The following RIC1 variants were observed in gnomAD, a reference collection of about 807,000 sequenced individuals.
RIC1 encodes the protein guanine nucleotide exchange factor subunit RIC1.
Under a neutral mutation model 169.0 loss-of-function variants are expected in RIC1, and 88 were observed. The observed-to-expected ratio is 0.52, with a 90% CI of 0.44 to 0.62. The LOEUF is 0.62. Ranked by LOEUF, RIC1 falls within the 20% of genes least tolerant of loss-of-function variation. The pLI is 0.00. For synonymous variants in RIC1, 790 were observed against 601.5 expected (o/e 1.31, Z -4.59); for missense variants, 1,877 against 1,725.5 (o/e 1.09, Z -1.56).
intron 2 of RIC1, among the ~76,000 whole-genome samples, chr9:5,664,720 C>T (rs1819651342): frequency 2.6e-5 from 4 of 152,154 alleles, no homozygotes; most frequent in Admixed American, 6.5e-5. Flanking sequence ...CAACTTCGTT[C>T]CATTCTCCCC....
intron 3 of RIC1, among the ~76,000 whole-genome samples, chr9:5,700,737 A>G (rs1011814789): frequency 6.6e-6 from 1 of 152,200 alleles, no homozygotes; most frequent in African/African-American, 2.4e-5. Context: ...ACAAGTGCAC[A>G]CTAAAAACAA....
At chr9:5,723,335 G>T (rs1453907212) in intron 6 of RIC1, among the ~76,000 whole-genome samples, 4 of 152,132 alleles carry the variant, frequency 2.6e-5, no homozygotes, top group East Asian at 1.9e-4. Flanking sequence ...TCATGTGTCT[G>T]TTGGCTGCAT....
At position 5,742,809 on chromosome 9, in the gene RIC1, A is replaced by AAC. The variant is rs1248492363; in HGVS notation, c.902-59_902-58insCA. On this transcript the variant is annotated intron_variant, in intron 8 of 25. Transcript: ENST00000414202. ...TACAGATTGTATTTGAAAAAAAAAA[A>AAC]AAAACAAGTATTTCTGAAGCAACTA... 2.1e-6 allele frequency: 3 copies of AAC among 1,457,706 alleles called. No individual in the cohort carries two copies. The African/African-American group carries it at 4.3e-5, about 21-fold the overall frequency. 90.3% of individuals were successfully genotyped at this position (1,457,706 alleles called of 1,614,324 possible). A position where few individuals can be genotyped will look rare whatever the true frequency, so the allele number is the denominator to read the frequency against.
At position 5,763,917 on chromosome 9, in the gene RIC1, T is replaced by G; in HGVS notation, c.2841+49T>G. Reference sequence around the variant, plus strand: ...GGGCAAGAATTAATGAGCTTAAACTTAGAAAAATAGAAATGTCCTGTTTTG... The same window carrying G: ...GGGCAAGAATTAATGAGCTTAAACTGAGAAAAATAGAAATGTCCTGTTTTG... On this transcript the variant is annotated intron_variant, in intron 19 of 25. Coordinates refer to ENST00000414202, the MANE Select transcript of RIC1 (RefSeq NM_020829.4). The surrounding 1 kb of genome is among the most constrained non-coding windows in gnomAD (Gnocchi z 5.2). The G allele has an allele frequency of 5.9e-6, 9 of 1,519,214 alleles. No individual in the cohort carries two copies. The highest frequency in any genetic ancestry group is 8.0e-6 in the Non-Finnish European group (9 of 1,130,426). The allele number at this position is 1,519,214 out of a possible 1,614,324, so 94.1% of individuals were successfully genotyped here. A position where few individuals can be genotyped will look rare whatever the true frequency, so the allele number is the denominator to read the frequency against.
At chr9:5,648,430 G>A (rs1042888190) in intron 1 of RIC1, among the ~76,000 whole-genome samples, 1 of 152,128 alleles carries the variant, frequency 6.6e-6, no homozygotes, top group African/African-American at 2.4e-5. Flanking sequence ...TCTGTTGGTG[G>A]ACACTTAGGT....
intron 3 of RIC1, among the ~76,000 whole-genome samples, chr9:5,700,211 C>G (rs751656068): frequency 6.6e-6 from 1 of 152,038 alleles, no homozygotes; most frequent in East Asian, 1.9e-4. Flanking sequence ...TTAGCTAGTT[C>G]TATAAATTTT....
rs550333704 is a variant in RIC1, at chr9:5,763,811, G to A, written c.2784G>A (p.Glu928=). ...AAVGNPKDLF[E]ECLMAQDLDT... ...TTGGAAACCCTAAGGACTTGTTTGA[G>A]GAGTGTTTGATGGCTCAGGATTTGG... Residue 928 remains glutamate, a synonymous_variant, in exon 19 of 26, where the codon GAG becomes GAA. Transcript: ENST00000414202. This position sits in a 1 kb window ranked among gnomAD's most constrained non-coding sequence, Gnocchi z 5.2. 76 of 1,614,134 alleles carry A rather than the reference G, an allele frequency of 4.7e-5. 1 individual carries two copies. In the South Asian group the frequency reaches 7.8e-4, roughly 17 times the overall value.
intron 1 of RIC1, among the ~76,000 whole-genome samples, chr9:5,651,351 G>A (rs1410010851): frequency 6.6e-6 from 1 of 151,382 alleles, no homozygotes; most frequent in Non-Finnish European, 1.5e-5. Flanking sequence ...ACTCCTCCCT[G>A]TTTGGGTTTT....
At chr9:5,669,735 C>G (rs1295363962) in intron 2 of RIC1, among the ~76,000 whole-genome samples, 3 of 152,174 alleles carry the variant, frequency 2.0e-5, no homozygotes, top group Non-Finnish European at 4.4e-5. Context: ...ATTGGGCTCA[C>G]TTCTTCAGCA....
chr9:5,765,899 C>T, intron 21 of RIC1, 101 bp downstream of exon 21: 1 of 1,390,356 alleles, frequency 7.2e-7, no homozygotes, highest in Non-Finnish European at 9.8e-7. Flanking sequence ...ACTATTTAAT[C>T]CAATTGCAGT....
At chr9:5,728,222 C>T (rs183240469) in intron 6 of RIC1, among the ~76,000 whole-genome samples, 11 of 152,378 alleles carry the variant, frequency 7.2e-5, no homozygotes, top group Admixed American at 1.3e-4. Flanking sequence ...ACTTTGTTTA[C>T]CTATTCAAGC....
At chr9:5,760,038 A>C (rs1340628037) in intron 17 of RIC1, among the ~76,000 whole-genome samples, 1 of 152,232 alleles carries the variant, frequency 6.6e-6, no homozygotes, top group Non-Finnish European at 1.5e-5. Flanking sequence ...AAGAAGTTAA[A>C]ATTGACTGAT....
chr9:5,640,408 T>C (rs1818182687), intron 1 of RIC1, among the ~76,000 whole-genome samples: 1 of 152,216 alleles, frequency 6.6e-6, no homozygotes, highest in South Asian at 2.1e-4. Flanking sequence ...CTCTACACTT[T>C]AACTTCATCC....
At chr9:5,676,709 A>G (rs1481864929) in intron 2 of RIC1, among the ~76,000 whole-genome samples, 1 of 152,224 alleles carries the variant, frequency 6.6e-6, no homozygotes, top group Non-Finnish European at 1.5e-5. Context: ...CTGTTTTAAG[A>G]ATCCCCACCT....
At chr9:5,661,452 C>T (rs1239793622) in intron 2 of RIC1, among the ~76,000 whole-genome samples, 1 of 152,142 alleles carries the variant, frequency 6.6e-6, no homozygotes, top group Non-Finnish European at 1.5e-5. Flanking sequence ...AATATTGACT[C>T]TTCCTAGCCA....
rs1818985823 is a variant in RIC1 at position 5,654,691 on chromosome 9, T to G, written c.145-1892T>G. ...AGTAGCTGGGATTAATTTTTGTATT[T>G]TTAGTAGAGATGTAACCACACCTGG... On this transcript the variant is annotated intron_variant, in intron 1 of 25. Coordinates refer to ENST00000414202, the MANE Select transcript of RIC1 (RefSeq NM_020829.4). Among the ~76,000 whole-genome samples the G allele has an allele frequency of 2.0e-5, 3 of 152,044 alleles. No individual in the cohort carries two copies. In the South Asian group the frequency reaches 6.2e-4, roughly 32 times the overall value.
Position 5,745,970 on chromosome 9 carries a change from G to A in RIC1, c.1135G>A (p.Gly379Arg), listed in dbSNP as rs372706997. 1.1e-5 allele frequency: 18 copies of A among 1,613,528 alleles called. No homozygotes were observed. The highest frequency in any genetic ancestry group is 4.4e-5 in the South Asian group (4 of 91,056). The change falls in exon 11 of 26, where the codon GGA becomes AGA. Residue 379 changes from glycine (G) to arginine (R), a missense_variant. Around this residue, in one of 3 missense-constraint regions of RIC1, gnomAD observed 1,104 missense variants for 992.0 expected, o/e 1.11. Transcript: ENST00000414202. ...AEGYHLWVIS[G>R]FGSQNTEIES... ...AGGCTATCACCTATGGGTAATCAGCGGATTTGGTTCTCAAAACACTGAAAT... is the reference window on the plus strand; with the variant it reads ...AGGCTATCACCTATGGGTAATCAGCAGATTTGGTTCTCAAAACACTGAAAT...
rs143945427 is a variant in RIC1 at position 5,654,142 on chromosome 9, G to C, written c.145-2441G>C. Among the ~76,000 whole-genome samples the C allele has an allele frequency of 5.4e-3, 821 of 152,098 alleles. 11 individuals carry two copies. The highest frequency in any genetic ancestry group is 0.019 in the African/African-American group (785 of 41,452). ...GCCTCCTGAGTAGCTGGGACTACAG[G>C]TGTGTGCCACCATGCCCAGCTAATT... On this transcript the variant is annotated intron_variant, in intron 1 of 25. Transcript: ENST00000414202.
At chr9:5,666,505 T>C (rs1819773570) in intron 2 of RIC1, among the ~76,000 whole-genome samples, 1 of 152,208 alleles carries the variant, frequency 6.6e-6, no homozygotes, top group Non-Finnish European at 1.5e-5. Flanking sequence ...CCATTGAGTA[T>C]AATGTTGGCT....
Sources: allele counts gnomAD v4.1 joint callset (sites outside exome capture counted in the v4.1 genomes callset), GRCh38; gene constraint gnomAD v4.1.1; regional missense constraint gnomAD v4.1.1; non-coding constraint Gnocchi (gnomAD v3.1); transcripts MANE v1.5; gene names NCBI Gene and HGNC (gene_info 2026-07-23, HGNC 2026-07-21).